Variants in MNAT1 observed in about 807,000 individuals in gnomAD.
The protein encoded by MNAT1 is CDK-activating kinase assembly factor MAT1.
MNAT1 carries 43 observed loss-of-function variants against 42.0 expected under a neutral mutation model. That is an observed-to-expected ratio of 1.02 (90% confidence interval 0.80 to 1.32). The LOEUF is 1.32. MNAT1 is among the 40% of genes most tolerant of loss of function. The pLI is 0.00. For missense variants in MNAT1, 306 were observed against 350.4 expected (o/e 0.87, Z 1.01); for synonymous variants, 118 against 120.0 (o/e 0.98, Z 0.11).
chr14:60,905,219 A>G (rs2035170317), intron 7 of MNAT1, among the ~76,000 whole-genome samples: 1 of 151,736 alleles, frequency 6.6e-6, no homozygotes, highest in Admixed American at 6.6e-5. Context: ...CTGTAATAAA[A>G]CCAACAATAA....
intron 1 of MNAT1, among the ~76,000 whole-genome samples, chr14:60,739,851 G>T (rs1205950348): frequency 1.3e-5 from 2 of 152,114 alleles, no homozygotes; most frequent in Non-Finnish European, 2.9e-5. Context: ...TTTAACTACA[G>T]CCTTTAATAA....
chr14:60,893,323 C>A (rs2034884753), intron 7 of MNAT1, among the ~76,000 whole-genome samples: 1 of 151,896 alleles, frequency 6.6e-6, no homozygotes, highest in Admixed American at 6.6e-5. Flanking sequence ...AAATTCCCTA[C>A]CTGTTCATAC....
intron 1 of MNAT1, among the ~76,000 whole-genome samples, chr14:60,738,549 C>G (rs1235329821): frequency 1.3e-5 from 2 of 151,984 alleles, no homozygotes; most frequent in Non-Finnish European, 2.9e-5. Flanking sequence ...GCCACTGCGC[C>G]CGGCCTGAGA....
chr14:60,937,042 T>C (rs1490562911), intron 7 of MNAT1, among the ~76,000 whole-genome samples: 2 of 151,538 alleles, frequency 1.3e-5, no homozygotes, highest in African/African-American at 4.9e-5. Flanking sequence ...AAGTGTGTGT[T>C]CATATCCTTC....
rs4151352 is a variant in MNAT1 at position 60,922,451 on chromosome 14, T to C, written c.809+42616T>C. 1.7e-3 allele frequency among the ~76,000 whole-genome samples: 262 copies of C among 152,242 alleles called. 1 individual carries two copies. Among genetic ancestry groups the C allele is most frequent in the African/African-American group, 5.6e-3 (232 of 41,556 alleles). On this transcript the variant is annotated intron_variant, in intron 7 of 7. Transcript: ENST00000261245. ...AGAGATGCATATGTTACCACAGAAA[T>C]CTGAAATTGATTTGGAACAATAAAA...
chr14:60,938,733 G>A (rs780072105), intron 7 of MNAT1, among the ~76,000 whole-genome samples: 11 of 152,198 alleles, frequency 7.2e-5, no homozygotes, highest in Non-Finnish European at 1.6e-4. Flanking sequence ...GTATCAGGAT[G>A]ATGCTGGCCT....
Position 60,735,001 on chromosome 14 carries a change from A to G in MNAT1, c.89+50A>G, listed in dbSNP as rs775425451. On this transcript the variant is annotated intron_variant, in intron 1 of 7. Transcript: ENST00000261245. The stretch of plus-strand genomic sequence containing the variant: ...CTGGGGGAGAGACGCGCTGGGTGGG[A>G]GGAGAGGACCGGGAGATGCTAGGCC... 10 of 1,567,956 alleles carry G rather than the reference A, an allele frequency of 6.4e-6. No homozygotes were observed. In the African/African-American group the frequency reaches 1.4e-4, roughly 21 times the overall value.
At chr14:60,814,614 G>A (rs1024846273) in intron 5 of MNAT1, among the ~76,000 whole-genome samples, 8 of 152,048 alleles carry the variant, frequency 5.3e-5, no homozygotes, top group African/African-American at 1.7e-4. Context: ...AAGCATTTAA[G>A]TCAGTTAACC....
chr14:60,837,940 T>A (rs2033438089), intron 6 of MNAT1, among the ~76,000 whole-genome samples: 1 of 152,240 alleles, frequency 6.6e-6, no homozygotes, highest in South Asian at 2.1e-4. Flanking sequence ...AGGCTTCTAA[T>A]GAACACATGA....
chr14:60,822,634 G>T (rs1185113862), intron 6 of MNAT1, among the ~76,000 whole-genome samples: 2 of 151,350 alleles, frequency 1.3e-5, no homozygotes, highest in Admixed American at 6.6e-5. Context: ...AGGAGGCAGG[G>T]TATAGTTATG....
At chr14:60,906,920 T>A (rs1390665365) in intron 7 of MNAT1, among the ~76,000 whole-genome samples, 2 of 152,170 alleles carry the variant, frequency 1.3e-5, no homozygotes, top group African/African-American at 2.4e-5. Context: ...AGAAATTAGT[T>A]CAGAGAACTT....
chr14:60,840,789 G>A (rs181428772), intron 6 of MNAT1, among the ~76,000 whole-genome samples: 71 of 152,100 alleles, frequency 4.7e-4, no homozygotes, highest in African/African-American at 1.3e-3. Context: ...TCAGCCTCAC[G>A]AGTAGCTGGG....
intron 6 of MNAT1, among the ~76,000 whole-genome samples, chr14:60,846,035 T>G (rs529972051): frequency 5.0e-4 from 76 of 152,248 alleles, no homozygotes; most frequent in African/African-American, 1.7e-3. Context: ...TTCCAAATAC[T>G]GTTTCAATTT....
chr14:60,936,266 A>G (rs1292588016), intron 7 of MNAT1, among the ~76,000 whole-genome samples: 3 of 152,094 alleles, frequency 2.0e-5, no homozygotes, highest in Admixed American at 6.5e-5. Context: ...TTTAGGGTAC[A>G]TGTGCACAAC....
At chr14:60,898,292 T>C (rs2035004391) in intron 7 of MNAT1, among the ~76,000 whole-genome samples, 1 of 152,126 alleles carries the variant, frequency 6.6e-6, no homozygotes, top group Non-Finnish European at 1.5e-5. Context: ...AGATACCCAG[T>C]AGTGGGATTG....
chr14:60,837,613 C>T (rs1367382755), intron 6 of MNAT1, among the ~76,000 whole-genome samples: 2 of 152,312 alleles, frequency 1.3e-5, no homozygotes, highest in South Asian at 2.1e-4. Context: ...AGAAATCACC[C>T]GCCTTCTGCA....
chr14:60,952,713 C>CA (rs1291563303), intron 7 of MNAT1, among the ~76,000 whole-genome samples: 2 of 152,026 alleles, frequency 1.3e-5, no homozygotes, highest in African/African-American at 4.8e-5. Flanking sequence ...TACCCAGGTA[C>CA]AAAGGGCCAC....
intron 1 of MNAT1, among the ~76,000 whole-genome samples, chr14:60,781,437 A>G (rs1396828746): frequency 6.6e-6 from 1 of 152,090 alleles, no homozygotes; most frequent in Admixed American, 6.5e-5. Flanking sequence ...GTCTTTTAAT[A>G]GTATTGTGTT....
At chr14:60,961,045 C>T (rs1315706333) in intron 7 of MNAT1, among the ~76,000 whole-genome samples, 1 of 152,160 alleles carries the variant, frequency 6.6e-6, no homozygotes, top group Non-Finnish European at 1.5e-5. Context: ...TCACCGCAAC[C>T]TCTACCTCCC....
Sources: gnomAD v4.1 joint callset for allele counts (sites outside exome capture counted in the v4.1 genomes callset) on GRCh38, gnomAD v4.1.1 for gene constraint, MANE v1.5 for transcripts, NCBI Gene and HGNC (gene_info 2026-07-23, HGNC 2026-07-21) for gene names.